BZW2: variants seen among roughly 807,000 people sequenced by gnomAD.
BZW2 encodes the protein eIF5-mimic protein 1.
A neutral mutation model predicts 53.2 loss-of-function variants in BZW2; 23 were observed. The ratio of observed to expected loss-of-function variants is 0.43; its 90% CI spans 0.31 to 0.61. The LOEUF (loss-of-function observed/expected upper bound fraction) is 0.61. BZW2 is among the 20% of genes least tolerant of loss of function. The probability of loss-of-function intolerance (pLI) is 0.09; values close to 1 mark genes in which losing one functional copy is unlikely to be tolerated. For missense variants in BZW2, 409 were observed against 503.1 expected (o/e 0.81, Z 1.79); for synonymous variants, 227 against 186.4 (o/e 1.22, Z -1.77).
At chr7:16,654,509 AC>A (rs201245130) in intron 1 of BZW2, among the ~76,000 whole-genome samples, 22,674 of 119,124 alleles carry the variant, frequency 0.19, 1,981 homozygotes, top group Middle Eastern at 0.24. Context: ...TCTGTATATA[AC>A]CCCCCCCCCC....
chr7:16,688,880 T>G (rs896476097), intron 6 of BZW2, among the ~76,000 whole-genome samples: 2 of 152,284 alleles, frequency 1.3e-5, no homozygotes, highest in Middle Eastern at 3.4e-3. Context: ...CCAGAAGAGT[T>G]TAACTTGAAA....
chr7:16,691,508 C>G (rs147493745), intron 7 of BZW2, among the ~76,000 whole-genome samples: 87 of 152,334 alleles, frequency 5.7e-4, no homozygotes, highest in African/African-American at 2.0e-3. Flanking sequence ...CAGCTCCCAT[C>G]TGGGCCATTC....
chr7:16,668,271 C>T (rs984244437), intron 2 of BZW2, among the ~76,000 whole-genome samples: 1 of 152,168 alleles, frequency 6.6e-6, no homozygotes, highest in Admixed American at 6.5e-5. Flanking sequence ...TAAACTGGCC[C>T]TTACGTTTGT....
intron 4 of BZW2, 102 bp from the exon 5 acceptor site, chr7:16,682,678 C>T (rs1450337588): frequency 5.0e-6 from 3 of 596,794 alleles, no homozygotes; most frequent in Non-Finnish European, 8.1e-6. Flanking sequence ...TAACTATACA[C>T]TTTTATTATT....
chr7:16,703,669 C>CA (rs1253085945), intron 10 of BZW2, among the ~76,000 whole-genome samples: 1 of 152,072 alleles, frequency 6.6e-6, no homozygotes, highest in African/African-American at 2.4e-5. Context: ...CCCATTAGAA[C>CA]ATTGGAACAT....
intron 2 of BZW2, among the ~76,000 whole-genome samples, chr7:16,673,368 C>T (rs1782669015): frequency 6.6e-6 from 1 of 152,178 alleles, no homozygotes; most frequent in South Asian, 2.1e-4. Flanking sequence ...GTCTTTCACA[C>T]ATTCTCTCAT....
At chr7:16,700,387 C>T (rs112635853) in intron 10 of BZW2, among the ~76,000 whole-genome samples, 2,090 of 152,306 alleles carry the variant, frequency 0.014, 22 homozygotes, top group Non-Finnish European at 0.023. Context: ...CCACCAAACA[C>T]TTGTGCACCA....
intron 2 of BZW2, among the ~76,000 whole-genome samples, chr7:16,670,721 C>T (rs1782573566): frequency 6.6e-6 from 1 of 152,142 alleles, no homozygotes; most frequent in Non-Finnish European, 1.5e-5. Flanking sequence ...TAATGTATTC[C>T]TCTAGAATTC....
intron 7 of BZW2, among the ~76,000 whole-genome samples, chr7:16,694,434 G>T (rs559404919): frequency 1.9e-4 from 29 of 152,200 alleles, no homozygotes; most frequent in African/African-American, 7.0e-4. Flanking sequence ...CACATGGCGA[G>T]GGGGCTGAGT....
chr7:16,671,923 C>A (rs1307113393), intron 2 of BZW2, among the ~76,000 whole-genome samples: 2 of 53,604 alleles, frequency 3.7e-5, no homozygotes, highest in East Asian at 5.1e-4. Context: ...AGAGTGAGAC[C>A]CTGTTTCAAA....
intron 1 of BZW2, among the ~76,000 whole-genome samples, chr7:16,652,457 T>G (rs553099072): frequency 6.6e-6 from 1 of 152,154 alleles, no homozygotes; most frequent in African/African-American, 2.4e-5. Flanking sequence ...TGCATCCCTA[T>G]TGACTAGTAC....
intron 1 of BZW2, chr7:16,661,437 C>T (rs533150807): frequency 2.6e-5 from 4 of 152,112 alleles, no homozygotes; most frequent in South Asian, 2.1e-4. Context: ...CACACCTGGG[C>T]CCAGAGTCTC....
At chr7:16,698,429 G>T in intron 10 of BZW2, 2 of 416,242 alleles carry the variant, frequency 4.8e-6, no homozygotes, top group Non-Finnish European at 4.3e-6. Flanking sequence ...TAGATGAACT[G>T]GTAATTGTTT....
chr7:16,658,475 T>C (rs1348300661), intron 1 of BZW2, among the ~76,000 whole-genome samples: 3 of 152,188 alleles, frequency 2.0e-5, no homozygotes, highest in African/African-American at 7.2e-5. Flanking sequence ...GGAAGTATTA[T>C]AATAAAATGA....
chr7:16,649,379 G>C (rs533894961), intron 1 of BZW2, among the ~76,000 whole-genome samples: 1 of 152,304 alleles, frequency 6.6e-6, no homozygotes, highest in South Asian at 2.1e-4. Flanking sequence ...TGTGAGGTGA[G>C]GTGGCACTAA....
At chr7:16,652,538 C>T (rs542133192) in intron 1 of BZW2, among the ~76,000 whole-genome samples, 12 of 152,240 alleles carry the variant, frequency 7.9e-5, no homozygotes, top group African/African-American at 2.2e-4. Flanking sequence ...TCTTTTGAGA[C>T]GGAGTTTCGC....
At chr7:16,661,708 G>A (rs1427821001) in intron 1 of BZW2, among the ~76,000 whole-genome samples, 1 of 152,026 alleles carries the variant, frequency 6.6e-6, no homozygotes, top group Non-Finnish European at 1.5e-5. Context: ...TCTCTTAGGT[G>A]ACATGTGAAA....
intron 7 of BZW2, among the ~76,000 whole-genome samples, chr7:16,692,074 A>G (rs1041553538): frequency 6.6e-6 from 1 of 152,208 alleles, no homozygotes; most frequent in East Asian, 1.9e-4. Context: ...TTAGGAGGAA[A>G]TTTTGTTTTA....
intron 9 of BZW2, among the ~76,000 whole-genome samples, chr7:16,697,534 CT>C (rs1299695345): frequency 3.9e-5 from 6 of 152,164 alleles, no homozygotes. Flanking sequence ...GTCCATGTTA[CT>C]TTGATCAGGG....
Sources: gnomAD v4.1 joint callset for allele counts (sites outside exome capture counted in the v4.1 genomes callset) on GRCh38, gnomAD v4.1.1 for gene constraint, MANE v1.5 for transcripts, NCBI Gene and HGNC (gene_info 2026-07-23, HGNC 2026-07-21) for gene names.